ADAMTS19: variants seen among roughly 807,000 people sequenced by gnomAD.
ADAMTS19 encodes A disintegrin and metalloproteinase with thrombospondin motifs 19.
ADAMTS19 carries 93 observed loss-of-function variants against 153.3 expected under a neutral mutation model. That is an observed-to-expected ratio of 0.61 (90% CI 0.51 to 0.72). The LOEUF (loss-of-function observed/expected upper bound fraction) is 0.72. Among genes scored for constraint, ADAMTS19 ranks in the 30% least tolerant of loss-of-function variants. The probability of loss-of-function intolerance (pLI) is 0.00; values close to 1 mark genes in which losing one functional copy is unlikely to be tolerated. For missense variants in ADAMTS19, 1,482 were observed against 1,552.1 expected, an observed-to-expected ratio of 0.95 and a Z score of 0.76; for synonymous variants, 600 against 556.6, an observed-to-expected ratio of 1.08 and a Z score of -1.10.
chr5:129,712,176 A>G (rs1287884029), intron 21 of ADAMTS19, among the ~76,000 whole-genome samples: 1 of 152,190 alleles, frequency 6.6e-6, no homozygotes, highest in Non-Finnish European at 1.5e-5. Context: ...TTGTAATTAC[A>G]AATAATCATG....
intron 8 of ADAMTS19, among the ~76,000 whole-genome samples, chr5:129,601,365 G>A (rs1375979526): frequency 1.3e-5 from 2 of 150,026 alleles, no homozygotes; most frequent in Admixed American, 6.6e-5. Flanking sequence ...TCATATATAT[G>A]CACATATTTA....
intron 16 of ADAMTS19, among the ~76,000 whole-genome samples, chr5:129,672,164 A>C (rs1243482545): frequency 6.6e-6 from 1 of 152,126 alleles, no homozygotes; most frequent in Non-Finnish European, 1.5e-5. Flanking sequence ...AAAGAGAGAG[A>C]GGAAACAAGC....
intron 11 of ADAMTS19, among the ~76,000 whole-genome samples, chr5:129,646,218 T>C (rs1304867400): frequency 6.6e-6 from 1 of 152,178 alleles, no homozygotes; most frequent in African/African-American, 2.4e-5. Context: ...TGCATCTTTG[T>C]ACAAAATCCA....
chr5:129,473,903 A>T (rs1239899109), intron 2 of ADAMTS19, among the ~76,000 whole-genome samples: 1 of 152,082 alleles, frequency 6.6e-6, no homozygotes, highest in Admixed American at 6.6e-5. Context: ...CCTTTTTTCC[A>T]ACATCTTTTT....
At chr5:129,603,879 C>G in intron 8 of ADAMTS19, among the ~76,000 whole-genome samples, 1 of 152,226 alleles carries the variant, frequency 6.6e-6, no homozygotes, top group East Asian at 1.9e-4. Flanking sequence ...TTATTAATTA[C>G]AGTGCTCTGT....
At chr5:129,733,397 A>C (rs1431501003) in intron 21 of ADAMTS19, among the ~76,000 whole-genome samples, 1 of 152,234 alleles carries the variant, frequency 6.6e-6, no homozygotes, top group African/African-American at 2.4e-5. Context: ...AAATATTTTC[A>C]AACTATGCAT....
intron 8 of ADAMTS19, among the ~76,000 whole-genome samples, chr5:129,611,182 A>G (rs1314582991): frequency 6.6e-6 from 1 of 150,988 alleles, no homozygotes; most frequent in East Asian, 2.0e-4. Flanking sequence ...TAGATTCTGG[A>G]TATTAGCCCT....
chr5:129,578,177 T>C (rs1168484199), intron 7 of ADAMTS19, among the ~76,000 whole-genome samples: 1 of 65,456 alleles, frequency 1.5e-5, no homozygotes, highest in African/African-American at 5.0e-5. Context: ...CATATACCTA[T>C]ATGCATGTAT....
chr5:129,678,534 T>C (rs1754654097), intron 16 of ADAMTS19, among the ~76,000 whole-genome samples: 1 of 152,080 alleles, frequency 6.6e-6, no homozygotes, highest in African/African-American at 2.4e-5. Context: ...TGGTTGATAC[T>C]AGATAAGTAA....
chr5:129,468,398 G>C (rs896256699), intron 2 of ADAMTS19, among the ~76,000 whole-genome samples: 2 of 152,124 alleles, frequency 1.3e-5, no homozygotes, highest in African/African-American at 4.8e-5. Flanking sequence ...TCTTTTGCCA[G>C]GCTGGAATGC....
intron 6 of ADAMTS19, among the ~76,000 whole-genome samples, chr5:129,539,579 G>A (rs932424229): frequency 6.6e-6 from 1 of 151,802 alleles, no homozygotes; most frequent in Admixed American, 6.6e-5. Context: ...TTCCTATATC[G>A]GTCTGCATCA....
chr5:129,588,048 C>T (rs1381694823), intron 7 of ADAMTS19, among the ~76,000 whole-genome samples: 1 of 152,144 alleles, frequency 6.6e-6, no homozygotes, highest in Non-Finnish European at 1.5e-5. Flanking sequence ...TTTTATCCAG[C>T]CTTCATAGTT....
intron 8 of ADAMTS19, among the ~76,000 whole-genome samples, chr5:129,612,117 TC>T (rs1254812636): frequency 2.7e-5 from 3 of 110,634 alleles, no homozygotes; most frequent in Non-Finnish European, 5.7e-5. Context: ...ATGCTATCCC[TC>T]CCCCCTACCC....
intron 10 of ADAMTS19, among the ~76,000 whole-genome samples, chr5:129,634,890 AAAG>A (rs1298323834): frequency 6.9e-6 from 1 of 145,074 alleles, no homozygotes; most frequent in African/African-American, 2.7e-5. Context: ...AAGCAAAATA[AAAG>A]AGAGAGAGAG....
At chr5:129,592,310 C>T (rs961091722) in intron 7 of ADAMTS19, among the ~76,000 whole-genome samples, 3 of 133,570 alleles carry the variant, frequency 2.2e-5, no homozygotes, top group African/African-American at 8.7e-5. Context: ...AACCGGGAGG[C>T]GGAGGTTGCA....
intron 6 of ADAMTS19, among the ~76,000 whole-genome samples, chr5:129,544,678 T>G (rs572787466): frequency 6.6e-6 from 1 of 151,802 alleles, no homozygotes; most frequent in East Asian, 1.9e-4. Flanking sequence ...CCTGAGGGAG[T>G]TTTTTGAACT....
chr5:129,569,393 T>C (rs1753821890), intron 7 of ADAMTS19, among the ~76,000 whole-genome samples: 1 of 152,098 alleles, frequency 6.6e-6, no homozygotes, highest in South Asian at 2.1e-4. Flanking sequence ...ATTTGAAATG[T>C]CAACACTCCT....
intron 2 of ADAMTS19, among the ~76,000 whole-genome samples, chr5:129,505,384 T>G (rs144923668): frequency 6.6e-6 from 1 of 152,250 alleles, no homozygotes; most frequent in African/African-American, 2.4e-5. Flanking sequence ...TCCTTCTAAC[T>G]TTTTAGTTAG....
At chr5:129,606,687 C>T (rs1750911469) in intron 8 of ADAMTS19, among the ~76,000 whole-genome samples, 1 of 152,162 alleles carries the variant, frequency 6.6e-6, no homozygotes, top group Non-Finnish European at 1.5e-5. Context: ...TGACTCTAGT[C>T]TATTTTTGTA....
Sources: gnomAD v4.1 joint callset for allele counts (sites outside exome capture counted in the v4.1 genomes callset) on GRCh38, gnomAD v4.1.1 for gene constraint, MANE v1.5 for transcripts, NCBI Gene and HGNC (gene_info 2026-07-23, HGNC 2026-07-21) for gene names.